The following CSGALNACT1 variants were observed in gnomAD, a reference collection of about 807,000 sequenced individuals.
CSGALNACT1 encodes the protein beta4GalNAcT-1.
In CSGALNACT1, 52 loss-of-function variants were observed where a neutral mutation model predicts 51.0. The ratio of observed to expected loss-of-function variants is 1.02; its 90% CI spans 0.82 to 1.29. The LOEUF (loss-of-function observed/expected upper bound fraction) is 1.29, where lower values mean the gene tolerates loss of function less well. Ranked by LOEUF, CSGALNACT1 falls within the 50% of genes most tolerant of loss-of-function variation. The probability of loss-of-function intolerance (pLI) is 0.00; values close to 1 mark genes in which losing one functional copy is unlikely to be tolerated. For missense variants in CSGALNACT1, 935 were observed against 679.2 expected, an observed-to-expected ratio of 1.38 and a Z score of -4.19; for synonymous variants, 341 against 254.4, an observed-to-expected ratio of 1.34 and a Z score of -3.24.
intron 3 of CSGALNACT1, among the ~76,000 whole-genome samples, chr8:19,518,803 C>A (rs1301525859): frequency 6.6e-6 from 1 of 152,146 alleles, no homozygotes; most frequent in African/African-American, 2.4e-5. Flanking sequence ...GGCAGAGATG[C>A]TGAGTGTAGA....
upstream of CSGALNACT1, among the ~76,000 whole-genome samples, chr8:19,604,072 G>T (rs1326189805): frequency 1.3e-5 from 2 of 152,156 alleles, no homozygotes; most frequent in Non-Finnish European, 2.9e-5. Flanking sequence ...CTGCTCTTCA[G>T]CTCTGGAAAG....
At chr8:19,553,793 T>C (rs1321129293) in intron 3 of CSGALNACT1, among the ~76,000 whole-genome samples, 1 of 150,762 alleles carries the variant, frequency 6.6e-6, no homozygotes, top group Admixed American at 6.6e-5. Flanking sequence ...AAATAAGAGG[T>C]TTCTGAAATG....
chr8:19,741,909 G>A (rs940751829), intron 1 of CSGALNACT1, among the ~76,000 whole-genome samples: 3 of 152,250 alleles, frequency 2.0e-5, no homozygotes, highest in Admixed American at 6.5e-5. Flanking sequence ...TCAACAGGCC[G>A]CATAGGAAAG....
chr8:19,536,768 G>A (rs2083836066), intron 3 of CSGALNACT1, among the ~76,000 whole-genome samples: 2 of 152,322 alleles, frequency 1.3e-5, no homozygotes, highest in South Asian at 2.1e-4. Context: ...TTATTATACA[G>A]CTACAGCAGT....
intron 8 of CSGALNACT1, among the ~76,000 whole-genome samples, chr8:19,418,318 C>G (rs1253218143): frequency 6.6e-6 from 1 of 152,146 alleles, no homozygotes; most frequent in Non-Finnish European, 1.5e-5. Context: ...ATAAATCTCA[C>G]CTTTGTTACC....
chr8:19,546,583 G>A (rs2086527095), intron 3 of CSGALNACT1, among the ~76,000 whole-genome samples: 1 of 152,158 alleles, frequency 6.6e-6, no homozygotes, highest in African/African-American at 2.4e-5. Flanking sequence ...ATAAATACTT[G>A]GAATACCATC....
chr8:19,736,359 ATTT>A (rs2063972910), intron 1 of CSGALNACT1, among the ~76,000 whole-genome samples: 1 of 152,144 alleles, frequency 6.6e-6, no homozygotes, highest in Non-Finnish European at 1.5e-5. Flanking sequence ...TAAAATATTT[ATTT>A]ATTATCCAGC....
intron 2 of CSGALNACT1, among the ~76,000 whole-genome samples, chr8:19,593,982 T>C (rs1411339557): frequency 6.6e-6 from 1 of 152,188 alleles, no homozygotes; most frequent in Non-Finnish European, 1.5e-5. Context: ...GGAGACAGAA[T>C]ATCAGAACTC....
chr8:19,709,452 T>C (rs2062372509), intron 1 of CSGALNACT1, among the ~76,000 whole-genome samples: 1 of 152,082 alleles, frequency 6.6e-6, no homozygotes, highest in South Asian at 2.1e-4. Context: ...AGGAAATAAG[T>C]AGGATGTCAT....
chr8:19,582,070 A>T (rs1244755434), intron 3 of CSGALNACT1, among the ~76,000 whole-genome samples: 2 of 152,208 alleles, frequency 1.3e-5, no homozygotes, highest in African/African-American at 2.4e-5. Flanking sequence ...GGGACAAAAA[A>T]TATATAATTT....
chr8:19,593,746 C>A lies in CSGALNACT1; in HGVS notation c.-415-2468G>T, dbSNP rs546408103. Among the ~76,000 whole-genome samples the A allele has an allele frequency of 5.0e-4, 76 of 152,268 alleles. 2 individuals carry two copies. In the Middle Eastern group the frequency reaches 0.01, roughly 20 times the overall value. On this transcript the variant is annotated intron_variant, in intron 2 of 9. Transcript: ENST00000454498. Reference sequence around the variant, plus strand: ...ACACTGTGCAGCTCCTCTCATTCTGCCCAGAAAATTCCTACACATGCTCCA... The same window carrying A: ...ACACTGTGCAGCTCCTCTCATTCTGACCAGAAAATTCCTACACATGCTCCA...
At chr8:19,469,364 C>A (rs932134412) in intron 4 of CSGALNACT1, among the ~76,000 whole-genome samples, 8 of 152,054 alleles carry the variant, frequency 5.3e-5, no homozygotes, top group African/African-American at 1.9e-4. Context: ...GCACTGCAGC[C>A]TGGGTGACAG....
chr8:19,500,253 G>C (rs947641746), intron 4 of CSGALNACT1, among the ~76,000 whole-genome samples: 4 of 152,088 alleles, frequency 2.6e-5, no homozygotes, highest in African/African-American at 4.8e-5. Context: ...TTCTGGCTCA[G>C]AGTTCCCAAG....
At chr8:19,520,753 T>G (rs911474869) in intron 3 of CSGALNACT1, among the ~76,000 whole-genome samples, 1 of 152,224 alleles carries the variant, frequency 6.6e-6, no homozygotes, top group African/African-American at 2.4e-5. Flanking sequence ...TATAACCCCA[T>G]GCTATCTCCA....
chr8:19,656,338 T>C lies in CSGALNACT1; in HGVS notation c.-544+26135A>G, dbSNP rs2058268902. Among the ~76,000 whole-genome samples, 2 of 152,148 alleles carry C rather than the reference T, an allele frequency of 1.3e-5. 1 individual carries two copies. Among genetic ancestry groups the C allele is most frequent in the South Asian group, 4.1e-4 (2 of 4,828 alleles). Reference sequence around the variant, plus strand: ...AAACCTAGCCCTCATATAGGACCTCTAGTCCAATTCACCATTTTTATATGG... The same window carrying C: ...AAACCTAGCCCTCATATAGGACCTCCAGTCCAATTCACCATTTTTATATGG... On this transcript the variant is annotated intron_variant, in intron 1 of 9. Transcript: ENST00000332246.
intron 1 of CSGALNACT1, among the ~76,000 whole-genome samples, chr8:19,740,458 T>G (rs2064242987): frequency 6.6e-6 from 1 of 152,244 alleles, no homozygotes; most frequent in African/African-American, 2.4e-5. Context: ...CAGCAGAGGC[T>G]TCTTCAAATA....
At chr8:19,499,610 C>G (rs1380651506) in intron 4 of CSGALNACT1, among the ~76,000 whole-genome samples, 1 of 152,196 alleles carries the variant, frequency 6.6e-6, no homozygotes, top group African/African-American at 2.4e-5. Context: ...TGCAGAGGCT[C>G]CATCTGCCCC....
intron 1 of CSGALNACT1, among the ~76,000 whole-genome samples, chr8:19,756,319 C>A (rs2065371958): frequency 6.6e-6 from 1 of 152,136 alleles, no homozygotes; most frequent in Admixed American, 6.5e-5. Context: ...GCTTTGAAAC[C>A]AGAAGAAAAG....
intron 4 of CSGALNACT1, among the ~76,000 whole-genome samples, chr8:19,495,794 G>C (rs1419920902): frequency 1.3e-5 from 2 of 152,220 alleles, no homozygotes; most frequent in Admixed American, 1.3e-4. Context: ...TGATGATAAA[G>C]AGAGAAGCGG....
Sources: gnomAD v4.1 joint callset for allele counts (sites outside exome capture counted in the v4.1 genomes callset) on GRCh38, gnomAD v4.1.1 for gene constraint, MANE v1.5 for transcripts, NCBI Gene and HGNC (gene_info 2026-07-23, HGNC 2026-07-21) for gene names.